The following ANKZF1 variants were observed in gnomAD, a reference collection of about 807,000 sequenced individuals.
ANKZF1 encodes the protein ankyrin repeat and zinc finger peptidyl tRNA hydrolase 1, also known as tRNA endonuclease ANKZF1.
A neutral mutation model predicts 86.0 loss-of-function variants in ANKZF1; 84 were observed. The ratio of observed to expected loss-of-function variants is 0.98; its 90% confidence interval spans 0.82 to 1.17. The LOEUF (loss-of-function observed/expected upper bound fraction) is 1.17, where lower values mean the gene tolerates loss of function less well. Ranked by LOEUF, ANKZF1 falls within the 50% of genes most tolerant of loss-of-function variation. ANKZF1 has a pLI of 0.00. For missense variants in ANKZF1, 893 were observed against 918.4 expected (o/e 0.97, Z 0.36); for synonymous variants, 331 against 354.2 (o/e 0.93, Z 0.74).
rs564285162 is a variant in ANKZF1, at chr2:219,235,796, A to G, written c.1892A>G (p.Gln631Arg). The part of the protein sequence containing the change: ...QKAARRQREE[Q>R]QQRQQEQEER... ...GCAGCCCGGCGGCAACGGGAGGAAC[A>G]GCAGCAGAGGCAGCAGGAGCAGGAG... The change falls in exon 12 of 14, where the codon CAG (glutamine) becomes CGG (arginine). Residue 631 changes from glutamine to arginine, a missense_variant. By Grantham distance (43) the Gln-to-Arg change is conservative. Coordinates refer to ENST00000323348, the MANE Select transcript of ANKZF1 (RefSeq NM_018089.3). The G allele has an allele frequency of 2.5e-6, 4 of 1,614,226 alleles. No homozygotes were observed. Among genetic ancestry groups the G allele is most frequent in the Admixed American group, 3.3e-5 (2 of 60,030 alleles).
Position 219,235,777 on chromosome 2 carries a change from C to T in ANKZF1, c.1873C>T (p.Arg625Trp), listed in dbSNP as rs755882283. The change falls in exon 12 of 14, where the codon CGG (arginine) becomes TGG (tryptophan). Residue 625 changes from arginine (R) to tryptophan (W), a missense_variant. Transcript: ENST00000323348. ...ATRKREQKAA[R>W]RQREEQQQRQ... ...ACGGAAAAGGGAGCAGAAGGCAGCC[C>T]GGCGGCAACGGGAGGAACAGCAGCA... is the stretch of plus-strand genomic sequence containing the variant. The T allele has an allele frequency of 7.4e-6, 12 of 1,614,056 alleles. No homozygotes were observed. The South Asian group carries it at 9.9e-5, about 13-fold the overall frequency.
At chr2:219,236,284 G>A (rs1451109435) in intron 13 of ANKZF1, 38 bp from the exon 14 acceptor site, 1 of 1,613,216 alleles carries the variant, frequency 6.2e-7, no homozygotes, top group Non-Finnish European at 8.5e-7. Flanking sequence ...GAAAGTTTCT[G>A]GGGTACCTGT....
chr2:219,230,571 G>A (rs1355391421), intron 2 of ANKZF1, 166 bp downstream of exon 2: 1 of 905,840 alleles, frequency 1.1e-6, no homozygotes, highest in Non-Finnish European at 1.6e-6. Flanking sequence ...CACAGCCCTT[G>A]TTTTCAAACA....
At position 219,236,608 on chromosome 2, in the gene ANKZF1, G is replaced by T. The variant is rs1349464221; in HGVS notation, c.*163G>T. ...ACAGGGCTAGAGGTATGTGGAGCTG[G>T]TACTGTCTCTGGAATTTTAATCACA... On this transcript the variant is annotated 3_prime_UTR_variant, in exon 14 of 14. Coordinates refer to ENST00000323348, the MANE Select transcript of ANKZF1 (RefSeq NM_018089.3). 4 of 903,318 alleles carry T rather than the reference G, an allele frequency of 4.4e-6. No homozygotes were observed. The African/African-American group carries it at 6.7e-5, about 15-fold the overall frequency. The allele number at this position is 903,318 out of a possible 1,614,324, so 56.0% of individuals were successfully genotyped here.
rs778718956 is a variant in ANKZF1 at position 219,234,917 on chromosome 2, A to G, written c.1296A>G (p.Val432=). 54 of 1,614,042 alleles carry G rather than the reference A, an allele frequency of 3.3e-5. No homozygotes were observed. In the African/African-American group the frequency reaches 6.4e-4, roughly 19 times the overall value. The change falls in exon 10 of 14, where the codon GTA becomes GTG. Residue 432 remains valine (V), a synonymous_variant. Transcript: ENST00000323348. ...CTCTGGATCTTTGTGAGTCTGAAGT[A>G]TTGCCCAAGCGGAGGAGGAGAAAAA... ...VGTLDLCESE[V]LPKRRRRKRN... is the part of the protein sequence containing the mutation.
Position 219,236,112 on chromosome 2 carries a change from G to A in ANKZF1, c.2057+17G>A. 2 of 1,614,086 alleles carry A rather than the reference G, an allele frequency of 1.2e-6. No individual in the cohort carries two copies. The highest frequency in any genetic ancestry group is 1.3e-5 in the African/African-American group (1 of 75,062). On this transcript the variant is annotated intron_variant, in intron 13 of 13. Transcript: ENST00000323348. ...CAATACTCGGTATGGGGTGCGGGAT[G>A]AGGGAGTGGGTGGACTGTAATGTTG... is the stretch of plus-strand genomic sequence containing the variant.
chr2:219,233,195 A>G lies in ANKZF1; in HGVS notation c.671+4A>G. The G allele has an allele frequency of 1.2e-6, 2 of 1,614,184 alleles. No homozygotes were observed. Among genetic ancestry groups the G allele is most frequent in the East Asian group, 2.2e-5 (1 of 44,892 alleles). On this transcript the variant is annotated splice_donor_region_variant and intron_variant, in intron 6 of 13. Transcript: ENST00000323348. ...TTGCTGGTGCTATATTTCAAGGGTG[A>G]GAGGGTGCTGCATGGGGGTAAGGAT...
chr2:219,231,820 C>T, intron 2 of ANKZF1, 108 bp from the exon 3 acceptor site: 2 of 867,796 alleles, frequency 2.3e-6, no homozygotes, highest in East Asian at 2.5e-5. Context: ...AGTATCATGC[C>T]ATCTCTTTTG....
At chr2:219,231,279 C>G (rs1034700904) in intron 2 of ANKZF1, 1 of 207,490 alleles carries the variant, frequency 4.8e-6, no homozygotes, top group African/African-American at 2.3e-5. Context: ...GACGCTGGAT[C>G]TCGGGAGAGG....
At chr2:219,230,193 C>CCGTCTTCTGCTTGAAAAA in intron 1 of ANKZF1, 35 bp from the exon 2 acceptor site, 1 of 1,566,378 alleles carries the variant, frequency 6.4e-7, no homozygotes. Context: ...ATCTCGTTTG[C>CCGTCTTCTGCTTGAAAAA]AGGAGCCCTG....
chr2:219,232,894 T>A, intron 5 of ANKZF1, 185 bp from the exon 6 acceptor site: 1 of 822,002 alleles, frequency 1.2e-6, no homozygotes, highest in Non-Finnish European at 1.9e-6. Context: ...CAATTTAGGT[T>A]TGAATTGTGA....
Position 219,233,166 on chromosome 2 carries a change from C to A in ANKZF1, c.646C>A (p.His216Asn), listed in dbSNP as rs1230786466. 1 of 1,614,084 alleles carries A rather than the reference C, an allele frequency of 6.2e-7. No individual in the cohort carries two copies. Among genetic ancestry groups the A allele is most frequent in the Admixed American group, 1.7e-5 (1 of 60,010 alleles). ...DCVVLMAAAG[H>N]FAGAIFQGRE... ...CGTGGTGCTCATGGCTGCAGCTGGG[C>A]ACTTTGCTGGTGCTATATTTCAAGG... is the stretch of plus-strand genomic sequence containing the variant. Residue 216 changes from histidine (H) to asparagine (N), a missense_variant, in exon 6 of 14, where the codon CAC becomes AAC. By Grantham distance (68) the His-to-Asn change is moderately conservative. Coordinates refer to ENST00000323348, the MANE Select transcript of ANKZF1 (RefSeq NM_018089.3).
chr2:219,232,109 T>A, intron 3 of ANKZF1, 69 bp downstream of exon 3: 1 of 1,460,086 alleles, frequency 6.8e-7, no homozygotes, highest in South Asian at 1.2e-5. Context: ...GAGGTAGACA[T>A]TTGATTTGTC....
rs1185932530 is a variant in ANKZF1, at chr2:219,236,666, T to TA, written c.*222dup. 5 of 603,544 alleles carry TA rather than the reference T, an allele frequency of 8.3e-6. No individual in the cohort carries two copies. Among genetic ancestry groups the TA allele is most frequent in the Non-Finnish European group, 1.1e-5 (4 of 371,112 alleles). The allele number at this position is 603,544 out of a possible 1,614,324, so 37.4% of individuals were successfully genotyped here. On this transcript the variant is annotated 3_prime_UTR_variant, in exon 14 of 14. Coordinates refer to ENST00000323348, the MANE Select transcript of ANKZF1 (RefSeq NM_018089.3). ...TTGGCAAGGAATGTGTACTTGTACTTACATTCAGAGGCACTGTGGCCTTTA... is the reference window on the plus strand; with the variant it reads ...TTGGCAAGGAATGTGTACTTGTACTTAACATTCAGAGGCACTGTGGCCTTTA...
At position 219,235,575 on chromosome 2, in the gene ANKZF1, A is replaced by AGG. The variant is rs760702081; in HGVS notation, c.1793_1794insGG (p.Asn598LysfsTer10). ...AAGAATCCAGATGCCTACGATTACA[A>AGG]CAAGGCTCAGGTCATCTGGAATAGG... On this transcript the variant is annotated frameshift_variant, in exon 11 of 14. Transcript: ENST00000323348. LOFTEE classifies it high-confidence loss of function. 6.2e-7 allele frequency: 1 copy of AGG among 1,614,046 alleles called. No individual in the cohort carries two copies. Among genetic ancestry groups the AGG allele is most frequent in the Admixed American group, 1.7e-5 (1 of 60,008 alleles).
Position 219,234,068 on chromosome 2 carries a change from T to C in ANKZF1, c.1049-65T>C, listed in dbSNP as rs1435298785. 3.8e-6 allele frequency: 6 copies of C among 1,573,164 alleles called. No homozygotes were observed. The Admixed American group carries it at 1.2e-4, about 31-fold the overall frequency. ...GGACTGCAGCCCAGCTACATCTGCA[T>C]TGAGAGAAACCTGCGCTAGCTTCTC... On this transcript the variant is annotated intron_variant, in intron 8 of 13. Transcript: ENST00000323348.
At chr2:219,231,751 A>G in intron 2 of ANKZF1, 177 bp from the exon 3 acceptor site, 1 of 574,620 alleles carries the variant, frequency 1.7e-6, no homozygotes, top group Non-Finnish European at 3.1e-6. Context: ...TGTTTATTGC[A>G]TTAAGTGATT....
rs754451764 is a variant in ANKZF1, at chr2:219,233,854, G to A, written c.959G>A (p.Arg320Gln). 8.7e-6 allele frequency: 14 copies of A among 1,613,130 alleles called. No homozygotes were observed. The South Asian group carries it at 9.9e-5, about 11-fold the overall frequency. ...GCACCCCTGCAAAGGGGGGATCCCC[G>A]ACTTTGGGATATCCCCCTCGCCACC... ...KGAPLQRGDPRLWDIPLATRR... is the reference protein window; with the variant it reads ...KGAPLQRGDPQLWDIPLATRR... Residue 320 changes from arginine (R) to glutamine (Q), a missense_variant, in exon 8 of 14, where the codon CGA becomes CAA. Physicochemically the swap from Arg to Gln is conservative, Grantham distance 43. Transcript: ENST00000323348.
chr2:219,231,271 C>T (rs939051783), intron 2 of ANKZF1: 4 of 203,850 alleles, frequency 2.0e-5, no homozygotes, highest in African/African-American at 4.7e-5. Flanking sequence ...GACTTGCAGA[C>T]GCTGGATCTC....
Sources: allele counts gnomAD v4.1 joint callset, GRCh38; gene constraint gnomAD v4.1.1; transcripts MANE v1.5; gene names NCBI Gene and HGNC (gene_info 2026-07-23, HGNC 2026-07-21).